Variants in EBF4 observed in about 807,000 individuals in gnomAD.
The protein encoded by EBF4 is transcription factor COE4.
A neutral mutation model predicts 67.1 loss-of-function variants in EBF4; 34 were observed. The ratio of observed to expected loss-of-function variants is 0.51; its 90% CI spans 0.39 to 0.67. The LOEUF (loss-of-function observed/expected upper bound fraction) is 0.67. EBF4 is among the 30% of genes least tolerant of loss of function. The pLI, the probability that EBF4 is intolerant of heterozygous loss-of-function variation, is 0.00. For synonymous variants in EBF4, 387 were observed against 377.7 expected (o/e 1.02, Z -0.29); for missense variants, 837 against 873.3 (o/e 0.96, Z 0.52).
chr20:2,738,773 C>T (rs1029995328), intron 6 of EBF4, among the ~76,000 whole-genome samples: 1 of 152,224 alleles, frequency 6.6e-6, no homozygotes, highest in Non-Finnish European at 1.5e-5. Flanking sequence ...AATCAAATTA[C>T]TTAGGAGCTA....
chr20:2,753,348 G>C (rs1400797493), intron 14 of EBF4, among the ~76,000 whole-genome samples: 2 of 152,332 alleles, frequency 1.3e-5, no homozygotes, highest in Admixed American at 1.3e-4. Context: ...CATGTCATGA[G>C]TGAGTGACCT....
intron 1 of EBF4, among the ~76,000 whole-genome samples, chr20:2,699,522 G>T (rs111585649): frequency 2.5e-3 from 379 of 152,316 alleles, no homozygotes; most frequent in African/African-American, 8.6e-3. Flanking sequence ...GGGTTCTTTA[G>T]TACGGGGGCA....
intron 6 of EBF4, among the ~76,000 whole-genome samples, chr20:2,716,040 C>T (rs1016509676): frequency 2.0e-5 from 3 of 150,522 alleles, no homozygotes; most frequent in Non-Finnish European, 2.9e-5. Flanking sequence ...TGAGCCACCG[C>T]GCCCGGCCTT....
chr20:2,710,810 T>C (rs2087533046), intron 6 of EBF4, among the ~76,000 whole-genome samples: 1 of 152,182 alleles, frequency 6.6e-6, no homozygotes, highest in South Asian at 2.1e-4. Context: ...AAAATAGTTA[T>C]ATGTTCTTTT....
rs1277671149 is a variant in EBF4 at position 2,751,246 on chromosome 20, G to A, written c.1019-454G>A. Among the ~76,000 whole-genome samples, 1 of 152,144 alleles carries A rather than the reference G, an allele frequency of 6.6e-6. No individual in the cohort carries two copies. Among genetic ancestry groups the A allele is most frequent in the East Asian group, 1.9e-4 (1 of 5,190 alleles). ...TCCCTGGGGTGCATGCAAACCTCTA[G>A]CCTTCAGATGCTGCAGAGAGTCCAC... is the stretch of plus-strand genomic sequence containing the variant. On this transcript the variant is annotated intron_variant, in intron 10 of 16. Coordinates refer to ENST00000609451, the Ensembl canonical transcript of EBF4. This position sits in a 1 kb window ranked among gnomAD's most constrained non-coding sequence, Gnocchi z 5.2.
chr20:2,728,596 G>A (rs1271041511), intron 6 of EBF4, among the ~76,000 whole-genome samples: 2 of 152,228 alleles, frequency 1.3e-5, no homozygotes, highest in East Asian at 3.9e-4. Flanking sequence ...CTCTGGAAAT[G>A]GTGAATAACC....
chr20:2,702,441 A>G (rs1309376466), intron 1 of EBF4, among the ~76,000 whole-genome samples: 2 of 150,754 alleles, frequency 1.3e-5, no homozygotes, highest in Admixed American at 6.6e-5. Context: ...AAAAAAAAAA[A>G]GATACTGGAG....
intron 1 of EBF4, among the ~76,000 whole-genome samples, chr20:2,702,863 C>G (rs558438489): frequency 6.6e-6 from 1 of 152,242 alleles, no homozygotes; most frequent in East Asian, 1.9e-4. Context: ...CCACACTGCA[C>G]CCTCCTTTCC....
At position 2,746,989 on chromosome 20, in the gene EBF4, G is replaced by A. The variant is rs544104201; in HGVS notation, c.558-1560G>A. Among the ~76,000 whole-genome samples, 11 of 152,238 alleles carry A rather than the reference G, an allele frequency of 7.2e-5. No homozygotes were observed. In the East Asian group the frequency reaches 2.1e-3, roughly 29 times the overall value. On this transcript the variant is annotated intron_variant, in intron 6 of 16. Coordinates refer to ENST00000609451, the Ensembl canonical transcript of EBF4. ...ATAAGGCAGACACTGATCATATTCC[G>A]AGTTTACCAAGAGTTAAACAGGGCT... is the stretch of plus-strand genomic sequence containing the variant.
chr20:2,700,848 T>C (rs2087364498), intron 1 of EBF4, among the ~76,000 whole-genome samples: 1 of 152,180 alleles, frequency 6.6e-6, no homozygotes, highest in African/African-American at 2.4e-5. Flanking sequence ...GGAGGCACCG[T>C]CCACACCTGC....
rs956436740 is a variant in EBF4, at chr20:2,693,862, A to G, written c.137+80A>G. 2.4e-6 allele frequency: 3 copies of G among 1,252,454 alleles called. No individual in the cohort carries two copies. Among genetic ancestry groups the G allele is most frequent in the African/African-American group, 1.6e-5 (1 of 64,442 alleles). The allele number at this position is 1,252,454 out of a possible 1,614,324, so 77.6% of individuals were successfully genotyped here. On this transcript the variant is annotated intron_variant, in intron 1 of 16. Coordinates refer to ENST00000609451, the Ensembl canonical transcript of EBF4. The surrounding 1 kb of genome is among the most constrained non-coding windows in gnomAD (Gnocchi z 4.6). ...CAGCTCAGCTTGCTGGAGCTGCTGG[A>G]GCCAGGGGCGGAAGGAGCCCTAACT...
At chr20:2,709,539 C>G (rs779497929) in intron 5 of EBF4, 35 bp from the exon 6 acceptor site, 2 of 1,533,536 alleles carry the variant, frequency 1.3e-6, no homozygotes, top group Admixed American at 4.0e-5. Flanking sequence ...CCTTCCTTGG[C>G]TTCTGCCTTC....
At position 2,737,205 on chromosome 20, in the gene EBF4, G is replaced by C. The variant is rs111826246; in HGVS notation, c.558-11344G>C. ...GCGGAGCTTGCAGTGAGCCGAGATC[G>C]CGCCACTGCACTCCAGCTTGGGTAA... On this transcript the variant is annotated intron_variant, in intron 6 of 16. Coordinates refer to ENST00000609451, the Ensembl canonical transcript of EBF4. 1.3e-4 allele frequency among the ~76,000 whole-genome samples: 19 copies of C among 148,028 alleles called. 1 individual carries two copies. Among genetic ancestry groups the C allele is most frequent in the South Asian group, 4.3e-4 (2 of 4,696 alleles).
Position 2,755,732 on chromosome 20 carries a change from C to A in EBF4, c.1646C>A (p.Ala549Asp). The change falls in exon 15 of 17, where the codon GCC (alanine) becomes GAC (aspartate). Residue 549 changes from alanine to aspartate, a missense_variant. This residue lies in a region of EBF4 where 525 missense variants were observed against 496.5 expected (regional missense o/e 1.06). Coordinates refer to ENST00000609451, the Ensembl canonical transcript of EBF4. This position sits in a 1 kb window ranked among gnomAD's most constrained non-coding sequence, Gnocchi z 4.7. The stretch of plus-strand genomic sequence containing the variant: ...TTCTCGCCTGTCAACATGATCTCCG[C>A]CGTCAAACAGAGGAGCGCCTTCGCC... 1 of 1,551,074 alleles carries A rather than the reference C, an allele frequency of 6.4e-7. No individual in the cohort carries two copies.
chr20:2,749,776 C>T lies in EBF4; in HGVS notation c.891+23C>T, dbSNP rs1371458000. On this transcript the variant is annotated intron_variant, in intron 9 of 16. Transcript: ENST00000609451. ...GAGGTGGGCCAACCCCGCCAGTCTC[C>T]CTCTGGGCCTAGGGGCTGGGCCCTC... 2.0e-6 allele frequency: 3 copies of T among 1,504,724 alleles called. No homozygotes were observed. The East Asian group carries it at 7.7e-5, about 39-fold the overall frequency. The allele number at this position is 1,504,724 out of a possible 1,614,324, so 93.2% of individuals were successfully genotyped here. A position where few individuals can be genotyped will look rare whatever the true frequency, so the allele number is the denominator to read the frequency against.
chr20:2,697,591 G>A (rs146305067), intron 1 of EBF4, among the ~76,000 whole-genome samples: 521 of 151,916 alleles, frequency 3.4e-3, no homozygotes, highest in African/African-American at 0.012. Flanking sequence ...GAGCAGAGGG[G>A]CTGCATACCC....
chr20:2,711,598 T>C (rs976187585), intron 6 of EBF4, among the ~76,000 whole-genome samples: 1 of 152,240 alleles, frequency 6.6e-6, no homozygotes, highest in Non-Finnish European at 1.5e-5. Context: ...TTCCTTACAC[T>C]CTGGCCAATT....
intron 6 of EBF4, among the ~76,000 whole-genome samples, chr20:2,723,612 G>A (rs2087712494): frequency 6.6e-6 from 1 of 152,194 alleles, no homozygotes; most frequent in Admixed American, 6.5e-5. Flanking sequence ...GCCTCCCAAA[G>A]TGCTGGGATT....
Position 2,747,920 on chromosome 20 carries a change from G to T in EBF4, c.558-629G>T, listed in dbSNP as rs6051356. ...TACATGTTGTTTATGCTTGTGTGAA[G>T]GTTATACCCCGAGTGTGTGTGATGG... On this transcript the variant is annotated intron_variant, in intron 6 of 16. Coordinates refer to ENST00000609451, the Ensembl canonical transcript of EBF4. This position sits in a 1 kb window ranked among gnomAD's most constrained non-coding sequence, Gnocchi z 4.6. 1.3e-5 allele frequency among the ~76,000 whole-genome samples: 2 copies of T among 152,100 alleles called. No homozygotes were observed. Among genetic ancestry groups the T allele is most frequent in the South Asian group, 4.1e-4 (2 of 4,824 alleles).
Sources: allele counts gnomAD v4.1 joint callset (sites outside exome capture counted in the v4.1 genomes callset), GRCh38; gene constraint gnomAD v4.1.1; regional missense constraint gnomAD v4.1.1; non-coding constraint Gnocchi (gnomAD v3.1); transcripts MANE v1.5; gene names NCBI Gene and HGNC (gene_info 2026-07-23, HGNC 2026-07-21).